Variants in PLEKHF2 observed in about 807,000 individuals in gnomAD.
PLEKHF2 encodes pleckstrin homology and FYVE domain containing 2.
In PLEKHF2, 4 loss-of-function variants were observed where a neutral mutation model predicts 14.7. The ratio of observed to expected loss-of-function variants is 0.27; its 90% CI spans 0.13 to 0.62. The LOEUF (loss-of-function observed/expected upper bound fraction) is 0.62. PLEKHF2 is among the 20% of genes least tolerant of loss of function. The pLI, the probability that PLEKHF2 is intolerant of heterozygous loss-of-function variation, is 0.85. For missense variants in PLEKHF2, 201 were observed against 307.7 expected (o/e 0.65, Z 2.60); for synonymous variants, 90 against 103.5 (o/e 0.87, Z 0.79).
intron 1 of PLEKHF2, among the ~76,000 whole-genome samples, chr8:95,148,511 G>A (rs1247874291): frequency 6.6e-6 from 1 of 152,016 alleles, no homozygotes; most frequent in Non-Finnish European, 1.5e-5. Context: ...CAGATTAATG[G>A]ATTAAAGCAG....
rs190620215 is a variant in PLEKHF2 at position 95,155,483 on chromosome 8, T to C, written c.*689T>C. On this transcript the variant is annotated 3_prime_UTR_variant, in exon 2 of 2. Coordinates refer to ENST00000315367, the MANE Select transcript of PLEKHF2 (RefSeq NM_024613.4). ...CTCTATATGAATAAATATTTTTCCA[T>C]AAAATAGTTGTGATTATATTTTTGT... 1.4e-3 allele frequency: 232 copies of C among 167,184 alleles called. 1 individual carries two copies. Among genetic ancestry groups the C allele is most frequent in the Non-Finnish European group, 5.0e-4 (34 of 68,090 alleles). The allele number at this position is 167,184 out of a possible 1,614,324, so 10.4% of individuals were successfully genotyped here.
chr8:95,154,912 T>G lies in PLEKHF2; in HGVS notation c.*118T>G. 1 of 1,263,334 alleles carries G rather than the reference T, an allele frequency of 7.9e-7. No homozygotes were observed. 78.3% of individuals were successfully genotyped at this position (1,263,334 alleles called of 1,614,324 possible). Reference sequence around the variant, plus strand: ...CTAGCCATGAATTTGCCTGAGAAACTTGTAACCTATGTGCCTCAATATATT... The same window carrying G: ...CTAGCCATGAATTTGCCTGAGAAACGTGTAACCTATGTGCCTCAATATATT... On this transcript the variant is annotated 3_prime_UTR_variant, in exon 2 of 2. Coordinates refer to ENST00000315367, the MANE Select transcript of PLEKHF2 (RefSeq NM_024613.4). This position sits in a 1 kb window ranked among gnomAD's most constrained non-coding sequence, Gnocchi z 5.6.
At chr8:95,147,583 T>G (rs778308546) in intron 1 of PLEKHF2, among the ~76,000 whole-genome samples, 29 of 152,048 alleles carry the variant, frequency 1.9e-4, no homozygotes, top group Non-Finnish European at 2.2e-4. Flanking sequence ...GTGATTTTGC[T>G]TTTCCTATAT....
intron 1 of PLEKHF2, among the ~76,000 whole-genome samples, chr8:95,139,580 A>G (rs1221008942): frequency 6.6e-6 from 1 of 151,090 alleles, no homozygotes; most frequent in Non-Finnish European, 1.5e-5. Context: ...AAGTTTTAAA[A>G]GTTTAGGTAG....
intron 1 of PLEKHF2, among the ~76,000 whole-genome samples, chr8:95,148,014 G>GT (rs1348096593): frequency 6.6e-6 from 1 of 151,652 alleles, no homozygotes; most frequent in Non-Finnish European, 1.5e-5. Flanking sequence ...TCCTAGATGA[G>GT]TTTTTTTCAA....
At chr8:95,142,614 GTACAAA>G (rs754656812) in intron 1 of PLEKHF2, among the ~76,000 whole-genome samples, 23 of 152,236 alleles carry the variant, frequency 1.5e-4, no homozygotes, top group Non-Finnish European at 2.8e-4. Flanking sequence ...AGCTGCCCCT[GTACAAA>G]TACTTTTAGA....
At position 95,154,026 on chromosome 8, in the gene PLEKHF2, A is replaced by T. The variant is rs1444820623; in HGVS notation, c.-14-5A>T. The stretch of plus-strand genomic sequence containing the variant: ...GTGCTAATTTCTTTTTCTTTTTTTT[A>T]AAAGGCTATTAGTGAAAGATGGTGG... On this transcript the variant is annotated splice_region_variant and splice_polypyrimidine_tract_variant and intron_variant, in intron 1 of 1. Coordinates refer to ENST00000315367, the MANE Select transcript of PLEKHF2 (RefSeq NM_024613.4). The surrounding 1 kb of genome is among the most constrained non-coding windows in gnomAD (Gnocchi z 5.6). 5.4e-6 allele frequency: 8 copies of T among 1,494,284 alleles called. No individual in the cohort carries two copies. The highest frequency in any genetic ancestry group is 2.9e-5 in the South Asian group (2 of 68,824). The allele number at this position is 1,494,284 out of a possible 1,614,324, so 92.6% of individuals were successfully genotyped here. A position where few individuals can be genotyped will look rare whatever the true frequency, so the allele number is the denominator to read the frequency against.
intron 1 of PLEKHF2, among the ~76,000 whole-genome samples, chr8:95,139,286 A>C (rs757546666): frequency 5.3e-5 from 8 of 152,162 alleles, no homozygotes; most frequent in Non-Finnish European, 1.2e-4. Context: ...GGCAGGTCAG[A>C]TTGCTCGAGT....
In PLEKHF2 at chr8:95,156,578, A is replaced by C. The variant is rs1224639691; in HGVS notation, c.*1784A>C. 3 of 167,110 alleles carry C rather than the reference A, an allele frequency of 1.8e-5. No individual in the cohort carries two copies. Among genetic ancestry groups the C allele is most frequent in the Admixed American group, 1.3e-4 (2 of 15,284 alleles). 10.4% of individuals were successfully genotyped at this position (167,110 alleles called of 1,614,324 possible). A position where few individuals can be genotyped will look rare whatever the true frequency, so the allele number is the denominator to read the frequency against. ...AATGCTAATGGAGATTTGCTGGTACATAGGAATCTAGCAAATTCAGGAACC... is the reference window on the plus strand; with the variant it reads ...AATGCTAATGGAGATTTGCTGGTACCTAGGAATCTAGCAAATTCAGGAACC... On this transcript the variant is annotated 3_prime_UTR_variant, in exon 2 of 2. Transcript: ENST00000315367.
chr8:95,152,563 T>G (rs1009910546), intron 1 of PLEKHF2, among the ~76,000 whole-genome samples: 38 of 152,274 alleles, frequency 2.5e-4, no homozygotes, highest in African/African-American at 8.9e-4. Flanking sequence ...TTTTCTGTGA[T>G]GTACTTGTGC....
chr8:95,142,138 G>T (rs997290805), intron 1 of PLEKHF2, among the ~76,000 whole-genome samples: 2 of 152,130 alleles, frequency 1.3e-5, no homozygotes, highest in Non-Finnish European at 2.9e-5. Context: ...TAGTGAGCAG[G>T]TTGTAACTGT....
chr8:95,154,170 G>C lies in PLEKHF2; in HGVS notation c.126G>C (p.Leu42Phe). The C allele has an allele frequency of 6.2e-7, 1 of 1,613,936 alleles. No homozygotes were observed. Among genetic ancestry groups the C allele is most frequent in the Non-Finnish European group, 8.5e-7 (1 of 1,179,940 alleles). ...PGRVLIGEGV[L>F]TKLCRKKPKA... ...GAGTTCTTATTGGAGAAGGAGTATT[G>C]ACTAAGTTGTGCAGGAAAAAGCCCA... The change falls in exon 2 of 2, where the codon TTG (leucine) becomes TTC (phenylalanine). Residue 42 changes from leucine (L) to phenylalanine (F), a missense_variant. Transcript: ENST00000315367. This position sits in a 1 kb window ranked among gnomAD's most constrained non-coding sequence, Gnocchi z 5.6.
At chr8:95,140,946 CTTCT>C (rs1432913785) in intron 1 of PLEKHF2, among the ~76,000 whole-genome samples, 1 of 151,580 alleles carries the variant, frequency 6.6e-6, no homozygotes, top group Non-Finnish European at 1.5e-5. Context: ...TGTTTTTTTC[CTTCT>C]TTGTCAGTTA....
intron 1 of PLEKHF2, among the ~76,000 whole-genome samples, chr8:95,137,293 G>A (rs1810386482): frequency 6.6e-6 from 1 of 152,220 alleles, no homozygotes; most frequent in African/African-American, 2.4e-5. Context: ...AATGAACAGA[G>A]TGGCAGTGAA....
At chr8:95,142,896 G>A (rs564863162) in intron 1 of PLEKHF2, among the ~76,000 whole-genome samples, 1 of 152,272 alleles carries the variant, frequency 6.6e-6, no homozygotes, top group East Asian at 1.9e-4. Flanking sequence ...TGGGTAGGGT[G>A]TGGTTCCTGT....
At chr8:95,140,635 A>G (rs1287986828) in intron 1 of PLEKHF2, among the ~76,000 whole-genome samples, 1 of 152,100 alleles carries the variant, frequency 6.6e-6, no homozygotes, top group Non-Finnish European at 1.5e-5. Flanking sequence ...CTTGTGTACC[A>G]TCATCCATCC....
At position 95,155,215 on chromosome 8, in the gene PLEKHF2, G is replaced by T; in HGVS notation, c.*421G>T. 5.5e-6 allele frequency: 1 copy of T among 181,318 alleles called. No individual in the cohort carries two copies. The highest frequency in any genetic ancestry group is 1.6e-4 in the East Asian group (1 of 6,166). 11.2% of individuals were successfully genotyped at this position (181,318 alleles called of 1,614,324 possible). ...CTTTTTTCTAACCATCCTGTCTAATGGTTAAGACACCAGTAACAAAAACAC... is the reference window on the plus strand; with the variant it reads ...CTTTTTTCTAACCATCCTGTCTAATTGTTAAGACACCAGTAACAAAAACAC... On this transcript the variant is annotated 3_prime_UTR_variant, in exon 2 of 2. Transcript: ENST00000315367.
chr8:95,141,955 C>CTGTAT (rs1236883779), intron 1 of PLEKHF2, among the ~76,000 whole-genome samples: 2 of 152,118 alleles, frequency 1.3e-5, no homozygotes, highest in Non-Finnish European at 2.9e-5. Flanking sequence ...TGTTCAAATG[C>CTGTAT]TGTATTCTCT....
chr8:95,149,133 AC>A (rs1471420246), intron 1 of PLEKHF2, among the ~76,000 whole-genome samples: 1 of 152,158 alleles, frequency 6.6e-6, no homozygotes, highest in Admixed American at 6.5e-5. Context: ...AAAATCATTG[AC>A]CTCATTAGGT....
Sources: allele counts gnomAD v4.1 joint callset (sites outside exome capture counted in the v4.1 genomes callset), GRCh38; gene constraint gnomAD v4.1.1; non-coding constraint Gnocchi (gnomAD v3.1); transcripts MANE v1.5; gene names NCBI Gene and HGNC (gene_info 2026-07-23, HGNC 2026-07-21).